SLC22A2: variants seen among roughly 807,000 people sequenced by gnomAD.
SLC22A2 encodes organic cation transporter 2.
A neutral mutation model predicts 60.5 loss-of-function variants in SLC22A2; 46 were observed. The ratio of observed to expected loss-of-function variants is 0.76; its 90% CI spans 0.60 to 0.97. The LOEUF is 0.97. SLC22A2 is among the 50% of genes least tolerant of loss of function. The pLI, the probability that SLC22A2 is intolerant of heterozygous loss-of-function variation, is 0.00. For synonymous variants in SLC22A2, 303 were observed against 267.0 expected, an observed-to-expected ratio of 1.13 and a Z score of -1.31; for missense variants, 701 against 706.6, an observed-to-expected ratio of 0.99 and a Z score of 0.09.
chr6:160,234,390 C>T (rs888546869), intron 9 of SLC22A2, among the ~76,000 whole-genome samples: 7 of 152,270 alleles, frequency 4.6e-5, no homozygotes, highest in African/African-American at 1.4e-4. Context: ...CCTTCGCTAC[C>T]GACAAGTGGT....
In SLC22A2 at chr6:160,258,228, G is replaced by A. The variant is rs190147257; in HGVS notation, c.414+116C>T. ...GAAACTAGGATTTTGTAAGATACAT[G>A]CAGGCCAAAGAGATGTCCAGGCAGG... On this transcript the variant is annotated intron_variant, in intron 1 of 10. Coordinates refer to ENST00000366953, the MANE Select transcript of SLC22A2 (RefSeq NM_003058.4). 151 of 1,179,446 alleles carry A rather than the reference G, an allele frequency of 1.3e-4. No individual in the cohort carries two copies. The African/African-American group carries it at 2.0e-3, about 16-fold the overall frequency. 73.1% of individuals were successfully genotyped at this position (1,179,446 alleles called of 1,614,324 possible). A position where few individuals can be genotyped will look rare whatever the true frequency, so the allele number is the denominator to read the frequency against.
intron 2 of SLC22A2, among the ~76,000 whole-genome samples, chr6:160,251,165 T>A (rs1183974608): frequency 6.6e-6 from 1 of 152,228 alleles, no homozygotes; most frequent in Non-Finnish European, 1.5e-5. Context: ...CCTTTCTTTT[T>A]CAACAGTGCT....
At chr6:160,243,808 G>A (rs1440480482) in intron 6 of SLC22A2, 22 bp from the exon 7 acceptor site, 2 of 1,583,944 alleles carry the variant, frequency 1.3e-6, no homozygotes, top group African/African-American at 2.7e-5. Flanking sequence ...GGAGAGTTCA[G>A]GTCAAGTCAA....
chr6:160,228,924 GC>G (rs1031922118), intron 9 of SLC22A2, among the ~76,000 whole-genome samples: 2 of 151,370 alleles, frequency 1.3e-5, no homozygotes, highest in African/African-American at 4.9e-5. Flanking sequence ...CTATAAAACG[GC>G]CCCACCCCTA....
chr6:160,250,474 G>T, intron 3 of SLC22A2, 74 bp downstream of exon 3: 1 of 1,448,346 alleles, frequency 6.9e-7, no homozygotes, highest in South Asian at 1.1e-5. Flanking sequence ...TTTCTTGCAT[G>T]CCGCCCCCCA....
At chr6:160,230,604 A>C (rs1257272920) in intron 9 of SLC22A2, among the ~76,000 whole-genome samples, 2 of 152,010 alleles carry the variant, frequency 1.3e-5, no homozygotes, top group Admixed American at 6.5e-5. Context: ...GTGTACAATA[A>C]TAGAGTAGAG....
At chr6:160,256,065 G>A (rs2114873192) in intron 2 of SLC22A2, among the ~76,000 whole-genome samples, 1 of 152,262 alleles carries the variant, frequency 6.6e-6, no homozygotes, top group South Asian at 2.1e-4. Context: ...CCCTCGTGTT[G>A]TAGGCAGACC....
At chr6:160,232,318 G>C (rs1299555461) in intron 9 of SLC22A2, among the ~76,000 whole-genome samples, 1 of 151,770 alleles carries the variant, frequency 6.6e-6, no homozygotes. Flanking sequence ...AGTTCCACCA[G>C]GCTTAATCGC....
intron 1 of SLC22A2, 151 bp downstream of exon 1, chr6:160,258,193 T>C: frequency 2.3e-6 from 2 of 863,338 alleles, no homozygotes; most frequent in Non-Finnish European, 3.6e-6. Flanking sequence ...AAGCTGCATG[T>C]TCTCATTTGG....
At chr6:160,255,892 C>A (rs1783261125) in intron 2 of SLC22A2, among the ~76,000 whole-genome samples, 1 of 152,142 alleles carries the variant, frequency 6.6e-6, no homozygotes, top group East Asian at 1.9e-4. Flanking sequence ...AGGAAACTTG[C>A]AGCACAGTGA....
chr6:160,227,806 T>A lies in SLC22A2; in HGVS notation c.1502-3002A>T, dbSNP rs185071039. 3.9e-5 allele frequency among the ~76,000 whole-genome samples: 6 copies of A among 152,240 alleles called. No homozygotes were observed. In the East Asian group the frequency reaches 9.6e-4, roughly 24 times the overall value. ...GGAGGTCAGCACAAGATACAGCTCATAAAGACCTTGCTGGTCAAACAGGCT... is the reference window on the plus strand; with the variant it reads ...GGAGGTCAGCACAAGATACAGCTCAAAAAGACCTTGCTGGTCAAACAGGCT... On this transcript the variant is annotated intron_variant, in intron 9 of 10. Transcript: ENST00000366953.
intron 10 of SLC22A2, among the ~76,000 whole-genome samples, chr6:160,218,894 A>AAAGCAT (rs1782589876): frequency 8.7e-6 from 1 of 115,206 alleles, no homozygotes; most frequent in African/African-American, 3.9e-5. Flanking sequence ...AGTAGCAACA[A>AAAGCAT]CAGAAGTCGC....
intron 1 of SLC22A2, 21 bp downstream of exon 1, chr6:160,258,323 G>A (rs762525126): frequency 6.3e-7 from 1 of 1,581,252 alleles, no homozygotes. Context: ...CTCCATCTGA[G>A]CCCTGAGCTC....
At chr6:160,226,805 T>C (rs2619270) in intron 9 of SLC22A2, among the ~76,000 whole-genome samples, 1 of 151,840 alleles carries the variant, frequency 6.6e-6, no homozygotes, top group Non-Finnish European at 1.5e-5. Flanking sequence ...ACTGAAAAAC[T>C]TCAAGGTTTT....
At chr6:160,250,475 C>T (rs1419360052) in intron 3 of SLC22A2, 73 bp downstream of exon 3, 36 of 1,454,318 alleles carry the variant, frequency 2.5e-5, no homozygotes, top group Non-Finnish European at 3.5e-5. Context: ...TTCTTGCATG[C>T]CGCCCCCCAC....
chr6:160,242,264 C>T, intron 8 of SLC22A2, 30 bp downstream of exon 8: 1 of 1,172,806 alleles, frequency 8.5e-7, no homozygotes, highest in East Asian at 2.3e-5. Flanking sequence ...GTCTCACCCA[C>T]CCTCGTCATT....
chr6:160,218,922 C>T (rs2928037), intron 10 of SLC22A2, among the ~76,000 whole-genome samples: 84 of 144,890 alleles, frequency 5.8e-4, no homozygotes, highest in South Asian at 8.3e-4. Flanking sequence ...ACAGCAGCAG[C>T]AGCAACAGAA....
rs374741445 is a variant in SLC22A2, at chr6:160,258,330, G to A, written c.414+14C>T. 339 of 1,589,158 alleles carry A rather than the reference G, an allele frequency of 2.1e-4. 1 individual carries two copies. The highest frequency in any genetic ancestry group is 2.5e-4 in the Non-Finnish European group (297 of 1,168,552). On this transcript the variant is annotated intron_variant, in intron 1 of 10. Coordinates refer to ENST00000366953, the MANE Select transcript of SLC22A2 (RefSeq NM_003058.4). The stretch of plus-strand genomic sequence containing the variant: ...ATTTGCTTCTCCATCTGAGCCCTGA[G>A]CTCACTCTCTTACCTCGGTGACGAT...
intron 7 of SLC22A2, 37 bp downstream of exon 7, chr6:160,243,535 T>C (rs1444040872): frequency 8.0e-6 from 11 of 1,378,018 alleles, no homozygotes; most frequent in Non-Finnish European, 1.1e-5. Context: ...TTCTCCAGGG[T>C]CTTGGAGATA....
Sources: gnomAD v4.1 joint callset for allele counts (sites outside exome capture counted in the v4.1 genomes callset) on GRCh38, gnomAD v4.1.1 for gene constraint, MANE v1.5 for transcripts, NCBI Gene and HGNC (gene_info 2026-07-23, HGNC 2026-07-21) for gene names.